PPP3R1: variants seen among roughly 807,000 people sequenced by gnomAD.
PPP3R1 encodes calcineurin subunit B type 1.
In PPP3R1, 5 loss-of-function variants were observed where a neutral mutation model predicts 22.6. That is an observed-to-expected ratio of 0.22 (90% CI 0.12 to 0.46). The LOEUF (loss-of-function observed/expected upper bound fraction) is 0.46, where lower values mean the gene tolerates loss of function less well. PPP3R1 is among the 20% of genes least tolerant of loss of function. PPP3R1 has a pLI of 0.99. For synonymous variants in PPP3R1, 56 were observed against 65.2 expected (o/e 0.86, Z 0.68); for missense variants, 61 against 203.2 (o/e 0.30, Z 4.25).
intron 2 of PPP3R1, among the ~76,000 whole-genome samples, chr2:68,198,434 C>CAT (rs1674877435): frequency 7.6e-6 from 1 of 131,720 alleles, no homozygotes; most frequent in Non-Finnish European, 1.6e-5. Flanking sequence ...CGTATATATG[C>CAT]GTGTGTATAT....
intron 1 of PPP3R1, among the ~76,000 whole-genome samples, chr2:68,235,904 T>G (rs746187065): frequency 6.6e-6 from 1 of 152,194 alleles, no homozygotes; most frequent in Non-Finnish European, 1.5e-5. Flanking sequence ...TGAAGTGCTA[T>G]CTCGACATTT....
chr2:68,235,016 T>A (rs1669993018), intron 1 of PPP3R1, among the ~76,000 whole-genome samples: 2 of 152,076 alleles, frequency 1.3e-5, no homozygotes, highest in Non-Finnish European at 2.9e-5. Context: ...AACCTGATGG[T>A]GGAACACAGA....
chr2:68,245,238 T>A (rs182284808), intron 1 of PPP3R1, among the ~76,000 whole-genome samples: 2 of 152,234 alleles, frequency 1.3e-5, no homozygotes, highest in East Asian at 3.9e-4. Context: ...GGTGTGCACC[T>A]GTAGTCTCAG....
At chr2:68,239,074 C>T (rs896418370) in intron 1 of PPP3R1, among the ~76,000 whole-genome samples, 1 of 152,018 alleles carries the variant, frequency 6.6e-6, no homozygotes, top group Non-Finnish European at 1.5e-5. Flanking sequence ...TTATTTGAAG[C>T]AAAGTTATTA....
chr2:68,202,792 A>ATTTTTTTTTTTTTTTTTT lies in PPP3R1; in HGVS notation c.44-14120_44-14103dup, dbSNP rs71395958. On this transcript the variant is annotated intron_variant, in intron 2 of 5. Transcript: ENST00000234310. Reference sequence around the variant, plus strand: ...TAATATATACTAGAGAGTTCAGGGAATTTTTTTTTTTTTTTTTTTTTTTTT... The same window carrying ATTTTTTTTTTTTTTTTTT: ...TAATATATACTAGAGAGTTCAGGGAATTTTTTTTTTTTTTTTTTTTTTTTTTTTTTTTTTTTTTTTTTT... Among the ~76,000 whole-genome samples, 12 of 81,228 alleles carry ATTTTTTTTTTTTTTTTTT rather than the reference A, an allele frequency of 1.5e-4. 1 individual carries two copies. The highest frequency in any genetic ancestry group is 6.8e-4 in the African/African-American group (11 of 16,158). The allele number at this position is 81,228 out of a possible 152,430, so 53.3% of individuals were successfully genotyped here.
chr2:68,205,390 G>C (rs942237319), intron 2 of PPP3R1, among the ~76,000 whole-genome samples: 2 of 151,688 alleles, frequency 1.3e-5, no homozygotes, highest in Non-Finnish European at 2.9e-5. Context: ...TTACAGGCAT[G>C]CACCACCATG....
chr2:68,181,379 C>T (rs1266697264), intron 5 of PPP3R1, among the ~76,000 whole-genome samples: 3 of 140,250 alleles, frequency 2.1e-5, no homozygotes, highest in East Asian at 2.0e-4. Context: ...GGCAACAGAG[C>T]GAGACTCCAT....
At chr2:68,196,884 C>T (rs1168440060) in intron 2 of PPP3R1, among the ~76,000 whole-genome samples, 11 of 152,016 alleles carry the variant, frequency 7.2e-5, no homozygotes, top group Admixed American at 6.6e-4. Context: ...GCCACCACGC[C>T]CTGCTGATTT....
intron 1 of PPP3R1, among the ~76,000 whole-genome samples, chr2:68,222,173 G>A (rs1265847724): frequency 6.6e-6 from 1 of 152,126 alleles, no homozygotes; most frequent in East Asian, 1.9e-4. Flanking sequence ...TATGACAACA[G>A]CACAAAAGGG....
chr2:68,201,002 C>A (rs1674964677), intron 2 of PPP3R1, among the ~76,000 whole-genome samples: 1 of 151,982 alleles, frequency 6.6e-6, no homozygotes, highest in Non-Finnish European at 1.5e-5. Context: ...TATTAATAAC[C>A]CTGCTTAAAG....
intron 5 of PPP3R1, among the ~76,000 whole-genome samples, chr2:68,183,956 C>T (rs1674476421): frequency 6.6e-6 from 1 of 152,162 alleles, no homozygotes; most frequent in African/African-American, 2.4e-5. Flanking sequence ...CCATCTCTTA[C>T]CTAGACAGTG....
At chr2:68,231,737 G>A (rs1333593742) in intron 1 of PPP3R1, among the ~76,000 whole-genome samples, 1 of 152,074 alleles carries the variant, frequency 6.6e-6, no homozygotes, top group Admixed American at 6.5e-5. Flanking sequence ...CAGTAATAAA[G>A]AAAACAACTT....
Position 68,188,797 on chromosome 2 carries a change from GA to G in PPP3R1, c.44-108del, listed in dbSNP as rs201964720. On this transcript the variant is annotated intron_variant, in intron 2 of 5. Transcript: ENST00000234310. ...AAAAAATTTTAATAGTTATAGGGGG[GA>G]AAAAAAATCTAACAGTTATCCAATA... 7.4e-3 allele frequency: 6,580 copies of G among 892,210 alleles called. 209 individuals carry two copies. The African/African-American group carries it at 0.081, about 11-fold the overall frequency. 55.3% of individuals were successfully genotyped at this position (892,210 alleles called of 1,614,324 possible). A position where few individuals can be genotyped will look rare whatever the true frequency, so the allele number is the denominator to read the frequency against.
chr2:68,198,435 GTGTGTATATATGTA>G (rs1319356056), intron 2 of PPP3R1, among the ~76,000 whole-genome samples: 3 of 74,940 alleles, frequency 4.0e-5, no homozygotes, highest in Non-Finnish European at 8.3e-5. Context: ...GTATATATGC[GTGTGTATATATGTA>G]TATACATATA....
At chr2:68,202,615 A>G (rs1162224695) in intron 2 of PPP3R1, among the ~76,000 whole-genome samples, 3 of 151,402 alleles carry the variant, frequency 2.0e-5, no homozygotes, top group African/African-American at 7.3e-5. Context: ...AGTAGAGACG[A>G]GGTTTCACCA....
At chr2:68,217,745 T>C (rs1014480661) in intron 1 of PPP3R1, among the ~76,000 whole-genome samples, 1 of 152,126 alleles carries the variant, frequency 6.6e-6, no homozygotes, top group African/African-American at 2.4e-5. Flanking sequence ...GAATAGACCC[T>C]AACTTAACAT....
chr2:68,188,650 C>A lies in PPP3R1; in HGVS notation c.84G>T (p.Lys28Asn). 1 of 1,612,290 alleles carries A rather than the reference C, an allele frequency of 6.2e-7. No individual in the cohort carries two copies. Among genetic ancestry groups the A allele is most frequent in the Admixed American group, 1.7e-5 (1 of 59,706 alleles). Residue 28 changes from lysine (K) to asparagine (N), a missense_variant, in exon 3 of 6, where the codon AAG becomes AAT. By Grantham distance (94) the Lys-to-Asn change is moderately conservative. Coordinates refer to ENST00000234310, the MANE Select transcript of PPP3R1 (RefSeq NM_000945.4). Reference sequence around the variant, plus strand: ...AACCAGAATTGTCCAAATCAAGCTTCTTAAATCTCTTTCCTAGCCTTTTAA... The same window carrying A: ...AACCAGAATTGTCCAAATCAAGCTTATTAAATCTCTTTCCTAGCCTTTTAA... ...DEIKRLGKRF[K>N]KLDLDNSGSL...
intron 1 of PPP3R1, among the ~76,000 whole-genome samples, chr2:68,228,885 T>C (rs1669833665): frequency 6.6e-6 from 1 of 152,146 alleles, no homozygotes; most frequent in South Asian, 2.1e-4. Context: ...AAATTTCCCT[T>C]GAGACTTCCT....
chr2:68,182,524 A>C (rs2103712817), intron 5 of PPP3R1, among the ~76,000 whole-genome samples: 1 of 152,146 alleles, frequency 6.6e-6, no homozygotes, highest in South Asian at 2.1e-4. Context: ...TCAGAAATTC[A>C]GCATTTTTCA....
Sources: allele counts gnomAD v4.1 joint callset (sites outside exome capture counted in the v4.1 genomes callset), GRCh38; gene constraint gnomAD v4.1.1; transcripts MANE v1.5; gene names NCBI Gene and HGNC (gene_info 2026-07-23, HGNC 2026-07-21).